Variants in SLC9A9 observed in about 807,000 individuals in gnomAD.
SLC9A9 encodes sodium/hydrogen exchanger 9.
Under a neutral mutation model 77.8 loss-of-function variants are expected in SLC9A9, and 62 were observed. The observed-to-expected ratio is 0.80, with a 90% CI of 0.65 to 0.98. SLC9A9 has a LOEUF of 0.98. Ranked by LOEUF, SLC9A9 falls within the 50% of genes least tolerant of loss-of-function variation. SLC9A9 has a pLI of 0.00. For missense variants in SLC9A9, 775 were observed against 774.9 expected (o/e 1.00, Z 0.00); for synonymous variants, 320 against 283.5 (o/e 1.13, Z -1.29).
chr3:143,350,859 T>A (rs1002726671), intron 14 of SLC9A9, among the ~76,000 whole-genome samples: 7 of 152,298 alleles, frequency 4.6e-5, no homozygotes, highest in African/African-American at 1.7e-4. Context: ...AATCTGGCCT[T>A]TACTCCAGCT....
intron 6 of SLC9A9, among the ~76,000 whole-genome samples, chr3:143,636,876 A>C (rs2038532033): frequency 6.6e-6 from 1 of 152,166 alleles, no homozygotes; most frequent in Non-Finnish European, 1.5e-5. Context: ...GCTATCTATA[A>C]CCAAGGAATT....
intron 13 of SLC9A9, among the ~76,000 whole-genome samples, chr3:143,379,979 T>C (rs1181375802): frequency 6.6e-6 from 1 of 152,178 alleles, no homozygotes; most frequent in Non-Finnish European, 1.5e-5. Flanking sequence ...ATGAGATGGG[T>C]TTAGCTTAAT....
At chr3:143,466,987 AGCGCAGCCAT>A in intron 12 of SLC9A9, 40 bp downstream of exon 12, 1 of 1,593,500 alleles carries the variant, frequency 6.3e-7, no homozygotes, top group Non-Finnish European at 8.6e-7. Flanking sequence ...GAAATTGAAC[AGCGCAGCCAT>A]GCCTCATAAT....
intron 6 of SLC9A9, among the ~76,000 whole-genome samples, chr3:143,587,937 G>T (rs562183028): frequency 2.0e-4 from 31 of 152,218 alleles, no homozygotes; most frequent in Non-Finnish European, 4.1e-4. Flanking sequence ...AACAGCTGCA[G>T]TGAGCATTTG....
intron 9 of SLC9A9, among the ~76,000 whole-genome samples, chr3:143,525,297 A>T (rs2036385821): frequency 6.6e-6 from 1 of 152,218 alleles, no homozygotes; most frequent in African/African-American, 2.4e-5. Flanking sequence ...AACAGTGAGG[A>T]CAAAGCTTCT....
At chr3:143,806,916 G>T (rs1181348471) in intron 2 of SLC9A9, among the ~76,000 whole-genome samples, 1 of 152,214 alleles carries the variant, frequency 6.6e-6, no homozygotes, top group East Asian at 1.9e-4. Context: ...AATGCTTGAG[G>T]AGATGGATAC....
intron 14 of SLC9A9, among the ~76,000 whole-genome samples, chr3:143,354,273 A>G (rs1176524245): frequency 2.0e-5 from 3 of 152,238 alleles, no homozygotes; most frequent in African/African-American, 7.2e-5. Context: ...CTGGAAGAAT[A>G]GCATTTATTT....
At chr3:143,504,108 C>A (rs1399764283) in intron 9 of SLC9A9, 4 of 489,566 alleles carry the variant, frequency 8.2e-6, no homozygotes, top group South Asian at 1.5e-5. Flanking sequence ...TACTGTGGAA[C>A]TTGCCATGGG....
At chr3:143,846,652 G>A (rs1007828429) in intron 1 of SLC9A9, among the ~76,000 whole-genome samples, 27 of 151,804 alleles carry the variant, frequency 1.8e-4, no homozygotes, top group African/African-American at 6.3e-4. Flanking sequence ...CCAGGAGTTG[G>A]AGACCAGCCT....
intron 12 of SLC9A9, among the ~76,000 whole-genome samples, chr3:143,390,912 C>T (rs1324144658): frequency 1.3e-5 from 2 of 152,196 alleles, no homozygotes; most frequent in Non-Finnish European, 2.9e-5. Flanking sequence ...GAGGGGTGCC[C>T]ACCATTGCTG....
At chr3:143,484,871 A>C (rs1041825637) in intron 11 of SLC9A9, among the ~76,000 whole-genome samples, 2 of 152,228 alleles carry the variant, frequency 1.3e-5, no homozygotes, top group Non-Finnish European at 2.9e-5. Flanking sequence ...CTGTAAAAAG[A>C]GACCAATAAT....
At chr3:143,360,559 T>C (rs1411631934) in intron 14 of SLC9A9, among the ~76,000 whole-genome samples, 1 of 152,220 alleles carries the variant, frequency 6.6e-6, no homozygotes, top group Non-Finnish European at 1.5e-5. Context: ...TGTAAAGCAC[T>C]GAACACAGTG....
intron 2 of SLC9A9, among the ~76,000 whole-genome samples, chr3:143,819,465 C>G (rs1186673200): frequency 6.6e-6 from 1 of 152,162 alleles, no homozygotes; most frequent in Non-Finnish European, 1.5e-5. Context: ...GTCAGAAGCC[C>G]TGGTCCTAAT....
intron 9 of SLC9A9, among the ~76,000 whole-genome samples, chr3:143,550,367 CCATCATTGCCTATGTCCA>C (rs1479971649): frequency 6.6e-6 from 1 of 152,178 alleles, no homozygotes; most frequent in Admixed American, 6.5e-5. Context: ...GTCCAATTCT[CCATCATTGCCTATGTCCA>C]CATTCTTTGC....
At chr3:143,752,790 A>G (rs1352827039) in intron 4 of SLC9A9, among the ~76,000 whole-genome samples, 1 of 152,088 alleles carries the variant, frequency 6.6e-6, no homozygotes, top group Non-Finnish European at 1.5e-5. Flanking sequence ...ATGGATAAAA[A>G]TGGGAGATAA....
intron 9 of SLC9A9, among the ~76,000 whole-genome samples, chr3:143,520,002 G>T (rs2108612659): frequency 6.6e-6 from 1 of 152,264 alleles, no homozygotes; most frequent in Admixed American, 6.5e-5. Flanking sequence ...GGATATGCAA[G>T]ACTACAGATT....
At chr3:143,530,088 A>G (rs888691346) in intron 9 of SLC9A9, among the ~76,000 whole-genome samples, 19 of 152,134 alleles carry the variant, frequency 1.2e-4, no homozygotes, top group African/African-American at 3.9e-4. Context: ...CACTGTACTG[A>G]GGGAAGGGAA....
chr3:143,566,342 T>A (rs527531137), intron 8 of SLC9A9, among the ~76,000 whole-genome samples: 1 of 152,090 alleles, frequency 6.6e-6, no homozygotes, highest in East Asian at 1.9e-4. Flanking sequence ...GGGAAGGGAT[T>A]GAGATGATTT....
intron 14 of SLC9A9, among the ~76,000 whole-genome samples, chr3:143,307,867 G>A (rs1051539362): frequency 2.0e-5 from 3 of 152,184 alleles, no homozygotes; most frequent in Non-Finnish European, 2.9e-5. Flanking sequence ...TGACTCAGCA[G>A]TAGGCTAACC....
Sources: gnomAD v4.1 joint callset for allele counts (sites outside exome capture counted in the v4.1 genomes callset) on GRCh38, gnomAD v4.1.1 for gene constraint, MANE v1.5 for transcripts, NCBI Gene and HGNC (gene_info 2026-07-23, HGNC 2026-07-21) for gene names.